The following ACTR3C variants were observed in gnomAD, a reference collection of about 807,000 sequenced individuals.
ACTR3C encodes actin related protein 3C.
ACTR3C carries 18 observed loss-of-function variants against 26.3 expected under a neutral mutation model. That is an observed-to-expected ratio of 0.68 (90% CI 0.47 to 1.01). The LOEUF is 1.01. Ranked by LOEUF, ACTR3C falls within the 50% of genes least tolerant of loss-of-function variation. ACTR3C has a pLI of 0.00. For synonymous variants in ACTR3C, 55 were observed against 94.5 expected (o/e 0.58, Z 2.42); for missense variants, 184 against 250.7 (o/e 0.73, Z 1.80).
intron 6 of ACTR3C, among the ~76,000 whole-genome samples, chr7:150,277,975 A>G (rs1835021487): frequency 1.3e-5 from 2 of 152,148 alleles, no homozygotes; most frequent in African/African-American, 4.8e-5. Flanking sequence ...CTCCAGGTGG[A>G]TATGCCTGTC....
the ACTR3C span, among the ~76,000 whole-genome samples, chr7:149,971,764 G>C: frequency 6.6e-6 from 1 of 152,194 alleles, no homozygotes; most frequent in Non-Finnish European, 1.5e-5. Flanking sequence ...CGTGTGCCCT[G>C]ATCTGGTTTC....
the ACTR3C span, among the ~76,000 whole-genome samples, chr7:149,944,234 G>T: frequency 6.6e-6 from 1 of 152,042 alleles, no homozygotes; most frequent in Non-Finnish European, 1.5e-5. Context: ...GATCACAAAT[G>T]AATCCCTTAT....
At position 150,274,466 on chromosome 7, in the gene ACTR3C, T is replaced by G. The variant is rs1834702159; in HGVS notation, c.564+10287A>C. On this transcript the variant is annotated intron_variant, in intron 6 of 7. Coordinates refer to ENST00000683684, the MANE Select transcript of ACTR3C (RefSeq NM_001164458.2). This position sits in a 1 kb window ranked among gnomAD's most constrained non-coding sequence, Gnocchi z 4.1. ...TCATGTGCACCAGGAAACCAAAAAA[T>G]GTGTGTGGCTCACTTCATTGCACCA... 6.6e-6 allele frequency among the ~76,000 whole-genome samples: 1 copy of G among 152,230 alleles called. No homozygotes were observed. The highest frequency in any genetic ancestry group is 1.5e-5 in the Non-Finnish European group (1 of 68,036).
chr7:150,215,609 C>T, the ACTR3C span, among the ~76,000 whole-genome samples: 1 of 152,148 alleles, frequency 6.6e-6, no homozygotes. Flanking sequence ...TCCCTTTTGG[C>T]TTTGGAGACA....
the ACTR3C span, among the ~76,000 whole-genome samples, chr7:150,073,351 C>A: frequency 1.3e-5 from 2 of 151,372 alleles, no homozygotes; most frequent in Admixed American, 6.6e-5. Context: ...GTTAACATGA[C>A]AAAAAAAATG....
chr7:150,252,342 T>C (rs1563146907), intron 6 of ACTR3C, among the ~76,000 whole-genome samples: 2 of 152,150 alleles, frequency 1.3e-5, no homozygotes, highest in African/African-American at 4.8e-5. Flanking sequence ...GCAGCATACA[T>C]TGCAAACAAA....
At position 150,256,830 on chromosome 7, in the gene ACTR3C, C is replaced by G. The variant is rs1833253575; in HGVS notation, c.565-7776G>C. ...GCAAAAACAAAATTAGTTGGCTTAA[C>G]TGACATGTAGAGAACATTCCACCCC... On this transcript the variant is annotated intron_variant, in intron 6 of 7. Coordinates refer to ENST00000683684, the MANE Select transcript of ACTR3C (RefSeq NM_001164458.2). 2.0e-5 allele frequency among the ~76,000 whole-genome samples: 3 copies of G among 152,100 alleles called. No individual in the cohort carries two copies. The South Asian group carries it at 6.2e-4, about 32-fold the overall frequency.
At chr7:150,277,639 C>G (rs1263241023) in intron 6 of ACTR3C, among the ~76,000 whole-genome samples, 1 of 152,094 alleles carries the variant, frequency 6.6e-6, no homozygotes, top group Non-Finnish European at 1.5e-5. Flanking sequence ...TCCTGTATCT[C>G]CTGTCAGTAA....
chr7:150,197,371 C>G, the ACTR3C span, among the ~76,000 whole-genome samples: 7 of 152,232 alleles, frequency 4.6e-5, no homozygotes, highest in Admixed American at 3.3e-4. Context: ...TGACGTCTGA[C>G]TTGATCTGAA....
chr7:150,183,065 T>A, the ACTR3C span, among the ~76,000 whole-genome samples: 1 of 150,904 alleles, frequency 6.6e-6, no homozygotes, highest in Non-Finnish European at 1.5e-5. Flanking sequence ...CTTTGCAAAA[T>A]GCTGCTTGCA....
At chr7:150,273,479 A>C (rs1388891295) in intron 6 of ACTR3C, among the ~76,000 whole-genome samples, 3 of 151,552 alleles carry the variant, frequency 2.0e-5, no homozygotes, top group Non-Finnish European at 4.4e-5. Context: ...TGTGTTGCCC[A>C]GGCTGGTCTC....
the ACTR3C span, among the ~76,000 whole-genome samples, chr7:150,198,793 G>T: frequency 1.4e-5 from 2 of 138,598 alleles, no homozygotes; most frequent in East Asian, 4.2e-4. Context: ...CGTGCCGTCC[G>T]GGAGGGAGGT....
At chr7:150,043,629 A>T in the ACTR3C span, among the ~76,000 whole-genome samples, 10 of 152,348 alleles carry the variant, frequency 6.6e-5, no homozygotes, top group East Asian at 1.9e-3. Flanking sequence ...GCAACTCTCC[A>T]TGCTCCTGCA....
At chr7:149,939,897 A>G in the ACTR3C span, among the ~76,000 whole-genome samples, 9 of 145,858 alleles carry the variant, frequency 6.2e-5, no homozygotes, top group Non-Finnish European at 1.2e-4. Flanking sequence ...CAGTGAGGGT[A>G]TATCTTTTAA....
At chr7:150,039,253 C>G in the ACTR3C span, among the ~76,000 whole-genome samples, 197 of 148,082 alleles carry the variant, frequency 1.3e-3, no homozygotes, top group African/African-American at 3.2e-3. Context: ...GGGGCTGGCT[C>G]TCAATCTCTG....
the ACTR3C span, among the ~76,000 whole-genome samples, chr7:149,892,656 T>C: frequency 1.8e-5 from 2 of 113,558 alleles, no homozygotes; most frequent in African/African-American, 5.4e-5. Flanking sequence ...AGAAGGTCCA[T>C]TGCAAAATTT....
At chr7:150,014,439 G>A in the ACTR3C span, among the ~76,000 whole-genome samples, 1 of 131,446 alleles carries the variant, frequency 7.6e-6, no homozygotes, top group African/African-American at 2.9e-5. Context: ...CTGGGTGACA[G>A]AGTGAGACTC....
At chr7:150,028,081 G>A in the ACTR3C span, among the ~76,000 whole-genome samples, 22 of 152,392 alleles carry the variant, frequency 1.4e-4, no homozygotes, top group African/African-American at 4.6e-4. Flanking sequence ...CCTCTTAATT[G>A]ATTTTTTGAC....
At chr7:150,251,087 T>C (rs1453151289) in intron 6 of ACTR3C, among the ~76,000 whole-genome samples, 1 of 152,208 alleles carries the variant, frequency 6.6e-6, no homozygotes, top group African/African-American at 2.4e-5. Flanking sequence ...GCACCTGGCA[T>C]ATAGTAGTCA....
Sources: gnomAD v4.1 joint callset for allele counts (sites outside exome capture counted in the v4.1 genomes callset) on GRCh38, gnomAD v4.1.1 for gene constraint, Gnocchi (gnomAD v3.1) non-coding constraint, MANE v1.5 for transcripts, NCBI Gene and HGNC (gene_info 2026-07-23, HGNC 2026-07-21) for gene names.